Variants in FREM2 observed in about 807,000 individuals in gnomAD.
FREM2 encodes the protein FRAS1 related extracellular matrix 2.
FREM2 carries 119 observed loss-of-function variants against 219.9 expected under a neutral mutation model. That is an observed-to-expected ratio of 0.54 (90% confidence interval 0.47 to 0.63). FREM2 has a LOEUF of 0.63. Among genes scored for constraint, FREM2 ranks in the 30% least tolerant of loss-of-function variants. FREM2 has a pLI of 0.00. For synonymous variants in FREM2, 1,562 were observed against 1,522.8 expected (o/e 1.03, Z -0.60); for missense variants, 4,030 against 3,993.6 (o/e 1.01, Z -0.25).
At chr13:38,831,753 G>A (rs575802712) in intron 6 of FREM2, among the ~76,000 whole-genome samples, 1 of 149,904 alleles carries the variant, frequency 6.7e-6, no homozygotes, top group East Asian at 2.0e-4. Flanking sequence ...GGGACTACAG[G>A]TGTGCACCTC....
Position 38,872,693 on chromosome 13 carries a change from A to C in FREM2, c.7984-49A>C, listed in dbSNP as rs374211823. ...AAATGGCTTGTACAAAATTAGGCCC[A>C]CTTAGTTAACACTGAGTCATGTTGA... is the stretch of plus-strand genomic sequence containing the variant. On this transcript the variant is annotated intron_variant, in intron 16 of 23. Transcript: ENST00000280481. 3 of 1,528,678 alleles carry C rather than the reference A, an allele frequency of 2.0e-6. 1 individual carries two copies. Among genetic ancestry groups the C allele is most frequent in the Non-Finnish European group, 2.7e-6 (3 of 1,103,060 alleles). The allele number at this position is 1,528,678 out of a possible 1,614,324, so 94.7% of individuals were successfully genotyped here. A position where few individuals can be genotyped will look rare whatever the true frequency, so the allele number is the denominator to read the frequency against.
At chr13:38,740,451 G>A (rs1566124005) in intron 2 of FREM2, among the ~76,000 whole-genome samples, 1 of 152,128 alleles carries the variant, frequency 6.6e-6, no homozygotes, top group African/African-American at 2.4e-5. Context: ...GAAGTTTAAC[G>A]TACATCAATT....
At chr13:38,740,203 T>C (rs997636172) in intron 2 of FREM2, among the ~76,000 whole-genome samples, 9 of 152,196 alleles carry the variant, frequency 5.9e-5, no homozygotes, top group African/African-American at 2.2e-4. Context: ...GTAATGTAAG[T>C]GGTAGAATAA....
At position 38,689,800 on chromosome 13, in the gene FREM2, C is replaced by A; in HGVS notation, c.2456C>A (p.Thr819Asn). ...GGGAATGTGGCTCCAGGTACCTTTACCCTTTACTTGCATCCCGTGGACAAC... is the reference window on the plus strand; with the variant it reads ...GGGAATGTGGCTCCAGGTACCTTTAACCTTTACTTGCATCCCGTGGACAAC... ...RAGNVAPGTF[T>N]LYLHPVDNQP... The change falls in exon 1 of 24, where the codon ACC becomes AAC. Residue 819 changes from threonine (T) to asparagine (N), a missense_variant. Around this residue, in one of 2 missense-constraint regions of FREM2, gnomAD observed 3,102 missense variants for 2,950.7 expected, o/e 1.05. Transcript: ENST00000280481. 6.2e-7 allele frequency: 1 copy of A among 1,614,018 alleles called. No individual in the cohort carries two copies.
intron 4 of FREM2, among the ~76,000 whole-genome samples, chr13:38,773,203 T>A (rs1873737431): frequency 6.6e-6 from 1 of 152,162 alleles, no homozygotes; most frequent in Admixed American, 6.5e-5. Flanking sequence ...TATGCTTGCT[T>A]ATTTCTTTAA....
intron 14 of FREM2, among the ~76,000 whole-genome samples, chr13:38,860,305 A>G (rs552895803): frequency 1.4e-4 from 21 of 152,108 alleles, no homozygotes; most frequent in Admixed American, 5.2e-4. Flanking sequence ...GCAAAGACAC[A>G]TTGGGGATGG....
At chr13:38,756,696 TTG>T (rs572009633) in intron 2 of FREM2, among the ~76,000 whole-genome samples, 3 of 151,120 alleles carry the variant, frequency 2.0e-5, no homozygotes, top group Admixed American at 6.6e-5. Context: ...CCTGGCTAAT[TTG>T]TGTGTGTGTG....
At chr13:38,708,688 TC>T (rs1325468298) in intron 2 of FREM2, among the ~76,000 whole-genome samples, 2 of 152,074 alleles carry the variant, frequency 1.3e-5, no homozygotes, top group Non-Finnish European at 2.9e-5. Flanking sequence ...AAAAAGTCTT[TC>T]CTCCCTTCTT....
intron 2 of FREM2, among the ~76,000 whole-genome samples, chr13:38,699,825 G>A (rs776418603): frequency 2.2e-4 from 33 of 151,980 alleles, no homozygotes; most frequent in African/African-American, 6.8e-4. Flanking sequence ...TTGCATTGCC[G>A]TATAAATCTT....
chr13:38,844,041 A>G (rs1227126442), intron 6 of FREM2, among the ~76,000 whole-genome samples: 1 of 152,156 alleles, frequency 6.6e-6, no homozygotes, highest in East Asian at 1.9e-4. Context: ...ATATACATAA[A>G]TCTACTCATA....
intron 6 of FREM2, among the ~76,000 whole-genome samples, chr13:38,809,352 T>G (rs1220711712): frequency 6.6e-6 from 1 of 151,922 alleles, no homozygotes; most frequent in Non-Finnish European, 1.5e-5. Context: ...TATATATTTT[T>G]GTTTTGGCTG....
intron 6 of FREM2, among the ~76,000 whole-genome samples, chr13:38,795,544 G>A (rs1344967442): frequency 6.6e-6 from 1 of 152,004 alleles, no homozygotes; most frequent in Non-Finnish European, 1.5e-5. Context: ...AGGATATTTG[G>A]AGGATATTCA....
chr13:38,758,602 T>C (rs907712547), intron 2 of FREM2, among the ~76,000 whole-genome samples: 7 of 152,346 alleles, frequency 4.6e-5, no homozygotes, highest in Non-Finnish European at 8.8e-5. Flanking sequence ...CAGGTGGTTT[T>C]CAGCAAAGAG....
intron 6 of FREM2, among the ~76,000 whole-genome samples, chr13:38,796,997 C>G (rs902849159): frequency 6.6e-6 from 1 of 152,004 alleles, no homozygotes; most frequent in Non-Finnish European, 1.5e-5. Flanking sequence ...CTGCCTCAGC[C>G]TCCAGAGTAG....
chr13:38,828,608 G>T (rs1278195328), intron 6 of FREM2, among the ~76,000 whole-genome samples: 3 of 151,904 alleles, frequency 2.0e-5, no homozygotes, highest in African/African-American at 7.3e-5. Context: ...CTTCTTAGGA[G>T]GCTGAGGCAG....
chr13:38,796,847 G>GT (rs377339639), intron 6 of FREM2, among the ~76,000 whole-genome samples: 2,065 of 151,920 alleles, frequency 0.014, 52 homozygotes, highest in African/African-American at 0.045. Flanking sequence ...TTTTTATACT[G>GT]TTTTTTCTGG....
chr13:38,850,812 T>C (rs1877340683), intron 9 of FREM2, 132 bp from the exon 10 acceptor site: 1 of 962,886 alleles, frequency 1.0e-6, no homozygotes, highest in South Asian at 1.3e-5. Context: ...TGAAGGCTTA[T>C]TGCATGCCAA....
intron 15 of FREM2, among the ~76,000 whole-genome samples, chr13:38,862,413 T>G (rs1274634387): frequency 6.6e-6 from 1 of 152,192 alleles, no homozygotes; most frequent in African/African-American, 2.4e-5. Context: ...GAGGTGTGAC[T>G]TGAGCTGCAA....
At chr13:38,836,435 G>C (rs1344641374) in intron 6 of FREM2, among the ~76,000 whole-genome samples, 1 of 152,136 alleles carries the variant, frequency 6.6e-6, no homozygotes, top group Non-Finnish European at 1.5e-5. Context: ...GCAGGTTTTG[G>C]TATCAGGATG....
Sources: allele counts gnomAD v4.1 joint callset (sites outside exome capture counted in the v4.1 genomes callset), GRCh38; gene constraint gnomAD v4.1.1; regional missense constraint gnomAD v4.1.1; transcripts MANE v1.5; gene names NCBI Gene and HGNC (gene_info 2026-07-23, HGNC 2026-07-21).